Variants in CSNK1G1 observed in about 807,000 individuals in gnomAD.
CSNK1G1 encodes casein kinase 1 gamma 1.
In CSNK1G1, 22 loss-of-function variants were observed where a neutral mutation model predicts 59.6. The observed-to-expected ratio is 0.37, with a 90% confidence interval of 0.26 to 0.53. The LOEUF is 0.53. Ranked by LOEUF, CSNK1G1 falls within the 20% of genes least tolerant of loss-of-function variation. The pLI is 0.89. For synonymous variants in CSNK1G1, 179 were observed against 177.1 expected (o/e 1.01, Z -0.08); for missense variants, 384 against 519.5 (o/e 0.74, Z 2.54).
chr15:64,188,474 T>C lies in CSNK1G1; in HGVS notation c.1108-8020A>G. 10 of 1,536,048 alleles carry C rather than the reference T, an allele frequency of 6.5e-6. No individual in the cohort carries two copies. The highest frequency in any genetic ancestry group is 8.7e-6 in the Non-Finnish European group (10 of 1,146,826). ...GAATTTCCCACTCTCCTCGGCGCTCTGATGATACATTCTGCTTAGGCGTTA... is the reference window on the plus strand; with the variant it reads ...GAATTTCCCACTCTCCTCGGCGCTCCGATGATACATTCTGCTTAGGCGTTA... On this transcript the variant is annotated intron_variant, in intron 10 of 11. Coordinates refer to ENST00000303052, the MANE Select transcript of CSNK1G1 (RefSeq NM_022048.5). The surrounding 1 kb of genome is among the most constrained non-coding windows in gnomAD (Gnocchi z 4.2).
chr15:64,260,457 TA>T (rs1892633765), intron 2 of CSNK1G1, among the ~76,000 whole-genome samples: 2 of 151,948 alleles, frequency 1.3e-5, no homozygotes, highest in African/African-American at 4.8e-5. Flanking sequence ...TTTTTATAAA[TA>T]AAAAAACAAG....
chr15:64,283,711 G>A (rs1323428306), intron 2 of CSNK1G1, among the ~76,000 whole-genome samples: 1 of 152,172 alleles, frequency 6.6e-6, no homozygotes, highest in East Asian at 1.9e-4. Context: ...TCAAACTCCT[G>A]ACCTCAAGTG....
intron 4 of CSNK1G1, among the ~76,000 whole-genome samples, chr15:64,235,637 T>G (rs923324152): frequency 6.6e-6 from 1 of 152,214 alleles, no homozygotes; most frequent in Admixed American, 6.5e-5. Flanking sequence ...AAAAAGTTTT[T>G]GGGTAAAGGA....
rs77888213 is a variant in CSNK1G1, at chr15:64,181,672, T to C, written c.1108-1218A>G. 3.5e-3 allele frequency: 1,513 copies of C among 427,308 alleles called. 20 individuals are homozygous for C. The highest frequency in any genetic ancestry group is 0.029 in the African/African-American group (1,392 of 48,288). 26.5% of individuals were successfully genotyped at this position (427,308 alleles called of 1,614,324 possible). On this transcript the variant is annotated intron_variant, in intron 10 of 11. Transcript: ENST00000303052. ...CCACCAGTTATTTGCTGTGGGTCTTTGGGCAAGATCCTCAGTCTATGCCTA... is the reference window on the plus strand; with the variant it reads ...CCACCAGTTATTTGCTGTGGGTCTTCGGGCAAGATCCTCAGTCTATGCCTA...
At chr15:64,189,255 G>T in intron 10 of CSNK1G1, 1 of 784,964 alleles carries the variant, frequency 1.3e-6, no homozygotes. Context: ...TTTTCTTCTG[G>T]AAAGCAAAAG....
At chr15:64,212,027 A>T (rs964640120) in intron 6 of CSNK1G1, among the ~76,000 whole-genome samples, 1 of 152,234 alleles carries the variant, frequency 6.6e-6, no homozygotes, top group African/African-American at 2.4e-5. Context: ...GTGAAGGAAG[A>T]AGGGGATGCT....
chr15:64,211,431 A>T (rs2082247770), intron 6 of CSNK1G1, among the ~76,000 whole-genome samples: 1 of 152,208 alleles, frequency 6.6e-6, no homozygotes. Flanking sequence ...ACAAAATATG[A>T]TGACAGGTTA....
chr15:64,181,351 T>C, intron 10 of CSNK1G1: 1 of 1,536,104 alleles, frequency 6.5e-7, no homozygotes, highest in Non-Finnish European at 8.7e-7. Flanking sequence ...CAGCACATTA[T>C]TCCTGTTTAT....
In CSNK1G1 at chr15:64,166,130, A is replaced by T. The variant is rs73462567; in HGVS notation, c.*5801T>A. 1.1e-3 allele frequency: 615 copies of T among 566,170 alleles called. 1 individual carries two copies. Among genetic ancestry groups the T allele is most frequent in the African/African-American group, 0.011 (560 of 51,892 alleles). 35.1% of individuals were successfully genotyped at this position (566,170 alleles called of 1,614,324 possible). A position where few individuals can be genotyped will look rare whatever the true frequency, so the allele number is the denominator to read the frequency against. On this transcript the variant is annotated 3_prime_UTR_variant, in exon 12 of 12. Coordinates refer to ENST00000303052, the MANE Select transcript of CSNK1G1 (RefSeq NM_022048.5). This position sits in a 1 kb window ranked among gnomAD's most constrained non-coding sequence, Gnocchi z 4.5. ...GAGGCATTTAACAATAATCAGACAC[A>T]TCCACACATTAAAACTGATTTCCAC...
chr15:64,339,955 G>C (rs961585808), intron 1 of CSNK1G1, among the ~76,000 whole-genome samples: 7 of 152,076 alleles, frequency 4.6e-5, no homozygotes, highest in Non-Finnish European at 1.0e-4. Context: ...CATCAATTTT[G>C]ATGTTGTTTT....
intron 4 of CSNK1G1, among the ~76,000 whole-genome samples, chr15:64,237,752 C>A (rs556458968): frequency 1.3e-5 from 2 of 152,314 alleles, no homozygotes; most frequent in East Asian, 3.9e-4. Flanking sequence ...TGAAACAGAA[C>A]CATGCTCCTG....
intron 1 of CSNK1G1, chr15:64,316,854 T>C (rs1896297827): frequency 6.6e-6 from 1 of 152,384 alleles, no homozygotes; most frequent in South Asian, 2.1e-4. Context: ...CCCAGTCACG[T>C]ACCCCCTGCT....
intron 9 of CSNK1G1, 90 bp downstream of exon 9, chr15:64,204,351 C>A: frequency 2.8e-6 from 3 of 1,052,686 alleles, no homozygotes; most frequent in Admixed American, 2.8e-5. Context: ...AAGATTCAAG[C>A]AGAAAGACTG....
intron 10 of CSNK1G1, among the ~76,000 whole-genome samples, chr15:64,202,519 C>G (rs1013111448): frequency 6.6e-6 from 1 of 151,646 alleles, no homozygotes; most frequent in Non-Finnish European, 1.5e-5. Context: ...TTCCCCCCAA[C>G]AGCCAACAGA....
rs1197536475 is a variant in CSNK1G1, at chr15:64,207,429, T to G, written c.765+80A>C. ...TCTGGCCAGCCCCCTACACATTTCT[T>G]AAAAACATGAAGCCAGAGGCTCCTT... On this transcript the variant is annotated intron_variant, in intron 7 of 11. Transcript: ENST00000303052. 4.6e-6 allele frequency: 5 copies of G among 1,087,606 alleles called. No homozygotes were observed. In the East Asian group the frequency reaches 1.2e-4, roughly 27 times the overall value. The allele number at this position is 1,087,606 out of a possible 1,614,324, so 67.4% of individuals were successfully genotyped here. A position where few individuals can be genotyped will look rare whatever the true frequency, so the allele number is the denominator to read the frequency against.
chr15:64,259,267 T>C, intron 2 of CSNK1G1, 26 bp from the exon 3 acceptor site: 1 of 1,551,520 alleles, frequency 6.4e-7, no homozygotes, highest in East Asian at 2.3e-5. Context: ...AATGTATATG[T>C]TTTAGTGACA....
intron 1 of CSNK1G1, among the ~76,000 whole-genome samples, chr15:64,304,846 ATAGG>A (rs1275321468): frequency 6.6e-6 from 1 of 152,212 alleles, no homozygotes; most frequent in East Asian, 1.9e-4. Flanking sequence ...GTTTATAGGT[ATAGG>A]ACTGCTGGAT....
At chr15:64,281,802 GAA>G (rs1053597456) in intron 2 of CSNK1G1, among the ~76,000 whole-genome samples, 4 of 119,552 alleles carry the variant, frequency 3.3e-5, no homozygotes, top group Admixed American at 1.7e-4. Context: ...ACTGTGCCGA[GAA>G]AAAAAAAAAA....
chr15:64,201,894 T>G (rs576698587), intron 10 of CSNK1G1, among the ~76,000 whole-genome samples: 1 of 152,324 alleles, frequency 6.6e-6, no homozygotes, highest in African/African-American at 2.4e-5. Flanking sequence ...ATAATTATTT[T>G]AAAAATATGT....
Sources: gnomAD v4.1 joint callset for allele counts (sites outside exome capture counted in the v4.1 genomes callset) on GRCh38, gnomAD v4.1.1 for gene constraint, Gnocchi (gnomAD v3.1) non-coding constraint, MANE v1.5 for transcripts, NCBI Gene and HGNC (gene_info 2026-07-23, HGNC 2026-07-21) for gene names.